Variants in ANK1 observed in about 807,000 individuals in gnomAD.
The protein encoded by ANK1 is ankyrin 1, also known as ankyrin-1.
In ANK1, 51 loss-of-function variants were observed where a neutral mutation model predicts 210.4. The observed-to-expected ratio is 0.24, with a 90% CI of 0.19 to 0.31. The LOEUF (loss-of-function observed/expected upper bound fraction) is 0.31. Among genes scored for constraint, ANK1 ranks in the 10% least tolerant of loss-of-function variants. The pLI, the probability that ANK1 is intolerant of heterozygous loss-of-function variation, is 1.00. For synonymous variants in ANK1, 967 were observed against 1,025.9 expected (o/e 0.94, Z 1.10); for missense variants, 2,051 against 2,504.4 (o/e 0.82, Z 3.86).
At chr8:41,855,161 G>A (rs72640350) in intron 1 of ANK1, among the ~76,000 whole-genome samples, 2,831 of 152,280 alleles carry the variant, frequency 0.019, 47 homozygotes, top group Non-Finnish European at 0.027. Context: ...AGAAATGTTA[G>A]TTGACCAGAT....
Position 41,702,248 on chromosome 8 carries a change from G to A in ANK1, c.2296-104C>T, listed in dbSNP as rs1431387555. ...GAGTTCACCTTCTAGTTGTTCAGGA[G>A]GACCTGAGTGGACAGACGTCACCGT... On this transcript the variant is annotated intron_variant, in intron 20 of 42. Transcript: ENST00000289734. The A allele has an allele frequency of 2.5e-5, 22 of 875,214 alleles. No homozygotes were observed. In the East Asian group the frequency reaches 4.9e-4, roughly 20 times the overall value. 54.2% of individuals were successfully genotyped at this position (875,214 alleles called of 1,614,324 possible).
chr8:41,830,560 A>G (rs1020565432), intron 1 of ANK1, among the ~76,000 whole-genome samples: 5 of 152,160 alleles, frequency 3.3e-5, no homozygotes, highest in Non-Finnish European at 5.9e-5. Flanking sequence ...ATTGTGGTAA[A>G]GCCAAGATTC....
Position 41,655,612 on chromosome 8 carries a change from G to C in ANK1, c.*178C>G. ...CAGTCAGTCATTCATGCCAAGAGGG[G>C]ACTAGCAGGAGTCCCTTACAGAGGT... On this transcript the variant is annotated 3_prime_UTR_variant, in exon 43 of 43. Coordinates refer to ENST00000289734, the MANE Select transcript of ANK1 (RefSeq NM_000037.4). The C allele has an allele frequency of 7.8e-7, 1 of 1,277,472 alleles. No homozygotes were observed. Among genetic ancestry groups the C allele is most frequent in the Non-Finnish European group, 1.1e-6 (1 of 884,290 alleles). The allele number at this position is 1,277,472 out of a possible 1,614,324, so 79.1% of individuals were successfully genotyped here. A position where few individuals can be genotyped will look rare whatever the true frequency, so the allele number is the denominator to read the frequency against.
chr8:41,727,817 A>G, intron 4 of ANK1, 91 bp downstream of exon 4: 2 of 1,200,422 alleles, frequency 1.7e-6, no homozygotes, highest in Admixed American at 3.5e-5. Flanking sequence ...GTGTGTGTTA[A>G]CACGGCTGCC....
intron 1 of ANK1, among the ~76,000 whole-genome samples, chr8:41,870,813 C>T (rs1387753004): frequency 2.6e-5 from 4 of 152,192 alleles, no homozygotes; most frequent in East Asian, 1.9e-4. Context: ...ACCTGGGCTC[C>T]GCTTGGCACA....
At chr8:41,675,600 G>A (rs1283553916) in intron 37 of ANK1, among the ~76,000 whole-genome samples, 1 of 152,176 alleles carries the variant, frequency 6.6e-6, no homozygotes, top group Non-Finnish European at 1.5e-5. Flanking sequence ...GTTGAGGTAT[G>A]TTTGACATTC....
Position 41,706,181 on chromosome 8 carries a change from G to A in ANK1, c.2059C>T (p.Leu687=). ...QEGHVPVADV[L]IKHGVMVDAT... Reference sequence around the variant, plus strand: ...TCCACCATGACGCCGTGTTTGATCAGCACATCTGCCACTGGAACGTGGCCT... The same window carrying A: ...TCCACCATGACGCCGTGTTTGATCAACACATCTGCCACTGGAACGTGGCCT... The change falls in exon 18 of 43, where the codon CTG becomes TTG. Residue 687 remains leucine (L), a synonymous_variant. Transcript: ENST00000289734. 6.2e-7 allele frequency: 1 copy of A among 1,614,094 alleles called. No homozygotes were observed. Among genetic ancestry groups the A allele is most frequent in the Non-Finnish European group, 8.5e-7 (1 of 1,179,960 alleles).
Position 41,717,819 on chromosome 8 carries a change from A to G in ANK1, c.1207-117T>C, listed in dbSNP as rs1056029940. 4 of 1,063,066 alleles carry G rather than the reference A, an allele frequency of 3.8e-6. No individual in the cohort carries two copies. In the African/African-American group the frequency reaches 4.7e-5, roughly 13 times the overall value. The allele number at this position is 1,063,066 out of a possible 1,614,324, so 65.9% of individuals were successfully genotyped here. ...TGATTTTCCAAGAAAAGGGAGCTAT[A>G]TGAGGTGGGTTTGCTTCCAAGAAAA... On this transcript the variant is annotated intron_variant, in intron 11 of 42. Transcript: ENST00000289734.
chr8:41,854,626 C>A (rs1203165608), intron 1 of ANK1, among the ~76,000 whole-genome samples: 1 of 152,066 alleles, frequency 6.6e-6, no homozygotes, highest in Non-Finnish European at 1.5e-5. Context: ...CAGCATTGGC[C>A]CCAGATGGGA....
In ANK1 at chr8:41,728,018, G is replaced by T. The variant is rs754728399; in HGVS notation, c.229-12C>A. ...GCCGTGTTCCCCTTCTGAAACACATGGGGGAAGGGAACAGAGGCGGTTTCC... is the reference window on the plus strand; with the variant it reads ...GCCGTGTTCCCCTTCTGAAACACATTGGGGAAGGGAACAGAGGCGGTTTCC... On this transcript the variant is annotated splice_polypyrimidine_tract_variant and intron_variant, in intron 3 of 42. Coordinates refer to ENST00000289734, the MANE Select transcript of ANK1 (RefSeq NM_000037.4). The T allele has an allele frequency of 2.5e-6, 4 of 1,612,856 alleles. No homozygotes were observed. Among genetic ancestry groups the T allele is most frequent in the African/African-American group, 2.7e-5 (2 of 74,902 alleles).
At position 41,672,873 on chromosome 8, in the gene ANK1, G is replaced by A. The variant is rs777979057; in HGVS notation, c.4577C>T (p.Ser1526Phe). Residue 1526 changes from serine to phenylalanine, a missense_variant, in exon 38 of 43, where the codon TCC becomes TTC. Physicochemically the swap from Ser to Phe is radical, Grantham distance 155. This residue lies in a region of ANK1 where 496 missense variants were observed against 533.4 expected (regional missense o/e 0.93). Coordinates refer to ENST00000289734, the MANE Select transcript of ANK1 (RefSeq NM_000037.4). ...CGGAGAGGAAAGTGCACAGCCCAGG[G>A]AGGCAGGGGACAGCAGCTCGTCCTG... The part of the protein sequence containing the change: ...SLQDELLSPA[S>F]LGCALSSPLR... 1.1e-5 allele frequency: 17 copies of A among 1,607,298 alleles called. No individual in the cohort carries two copies. The highest frequency in any genetic ancestry group is 6.7e-5 in the Admixed American group (4 of 60,024).
intron 2 of ANK1, among the ~76,000 whole-genome samples, chr8:41,753,563 G>A (rs544001011): frequency 5.3e-5 from 8 of 152,192 alleles, no homozygotes; most frequent in South Asian, 2.1e-4. Context: ...GTTTAGATTC[G>A]GGGGTACCTG....
intron 3 of ANK1, 48 bp from the exon 4 acceptor site, chr8:41,728,054 G>T: frequency 6.3e-7 from 1 of 1,585,500 alleles, no homozygotes; most frequent in Non-Finnish European, 8.6e-7. Flanking sequence ...CACTGGGCCC[G>T]CTACGGGACC....
chr8:41,700,557 T>A, intron 22 of ANK1: 1 of 1,210,914 alleles, frequency 8.3e-7, no homozygotes, highest in Non-Finnish European at 1.2e-6. Flanking sequence ...TCTGCTTCTC[T>A]AGTTGACAAA....
exon 1 of ANK1, chr8:41,896,724 G>A (rs1166575195): frequency 4.3e-6 from 1 of 233,202 alleles, no homozygotes; most frequent in East Asian, 1.1e-4. Flanking sequence ...TCGCTTGCCG[G>A]CGCCCGGGAC....
chr8:41,850,078 G>A (rs774096431), intron 1 of ANK1, among the ~76,000 whole-genome samples: 7 of 152,104 alleles, frequency 4.6e-5, no homozygotes, highest in Non-Finnish European at 7.3e-5. Context: ...CCCTCCTGCC[G>A]GCACCAGGCT....
At position 41,693,097 on chromosome 8, in the gene ANK1, C is replaced by T. The variant is rs1015608075; in HGVS notation, c.3629+8G>A. 7.5e-6 allele frequency: 12 copies of T among 1,603,376 alleles called. No homozygotes were observed. Among genetic ancestry groups the T allele is most frequent in the African/African-American group, 5.4e-5 (4 of 74,650 alleles). On this transcript the variant is annotated splice_region_variant and intron_variant, in intron 30 of 42. Coordinates refer to ENST00000289734, the MANE Select transcript of ANK1 (RefSeq NM_000037.4). ...ACACAATACTGGGCTGGGCTGGCCT[C>T]GTCTCACCTGGCAGAGACATTGGTG...
At chr8:41,846,110 T>C (rs980923856) in intron 1 of ANK1, among the ~76,000 whole-genome samples, 1 of 152,240 alleles carries the variant, frequency 6.6e-6, no homozygotes, top group African/African-American at 2.4e-5. Flanking sequence ...TGCACTGCAC[T>C]GTGTCTCCAG....
chr8:41,887,139 G>A (rs1818581934), intron 1 of ANK1, among the ~76,000 whole-genome samples: 1 of 151,556 alleles, frequency 6.6e-6, no homozygotes. Flanking sequence ...AGAAAGCCCT[G>A]CTACCCTCTT....
Sources: gnomAD v4.1 joint callset for allele counts (sites outside exome capture counted in the v4.1 genomes callset) on GRCh38, gnomAD v4.1.1 for gene constraint, gnomAD v4.1.1 regional missense constraint, MANE v1.5 for transcripts, NCBI Gene and HGNC (gene_info 2026-07-23, HGNC 2026-07-21) for gene names.